AP3D1: variants seen among roughly 807,000 people sequenced by gnomAD.
The protein encoded by AP3D1 is AP-3 complex subunit delta-1.
Under a neutral mutation model 147.6 loss-of-function variants are expected in AP3D1, and 51 were observed. The observed-to-expected ratio is 0.35, with a 90% CI of 0.28 to 0.44. AP3D1 has a LOEUF of 0.44. AP3D1 is among the 20% of genes least tolerant of loss of function. The pLI is 1.00. For missense variants in AP3D1, 1,421 were observed against 1,624.2 expected, an observed-to-expected ratio of 0.87 and a Z score of 2.15; for synonymous variants, 760 against 663.0, an observed-to-expected ratio of 1.15 and a Z score of -2.25.
rs560307748 is a variant in AP3D1 at position 2,123,696 on chromosome 19, C to T, written c.906+134G>A. ...GGTAGGTAGTGCACACAGGACGCGG[C>T]TGTGCCCTCCCAAGCCGCAAGATGG... is the stretch of plus-strand genomic sequence containing the variant. On this transcript the variant is annotated intron_variant, in intron 10 of 31. Coordinates refer to ENST00000643116, the MANE Select transcript of AP3D1 (RefSeq NM_001261826.3). 3.6e-5 allele frequency: 40 copies of T among 1,107,414 alleles called. No homozygotes were observed. In the East Asian group the frequency reaches 1.0e-3, roughly 28 times the overall value. The allele number at this position is 1,107,414 out of a possible 1,614,324, so 68.6% of individuals were successfully genotyped here. A position where few individuals can be genotyped will look rare whatever the true frequency, so the allele number is the denominator to read the frequency against.
At chr19:2,127,915 G>GC (rs1306525020) in intron 8 of AP3D1, among the ~76,000 whole-genome samples, 2 of 152,346 alleles carry the variant, frequency 1.3e-5, no homozygotes, top group Non-Finnish European at 2.9e-5. Context: ...GCAGCGTAGG[G>GC]CCGCAGCCAG....
At chr19:2,134,212 G>C (rs2019020144) in intron 4 of AP3D1, among the ~76,000 whole-genome samples, 1 of 152,014 alleles carries the variant, frequency 6.6e-6, no homozygotes, top group Non-Finnish European at 1.5e-5. Context: ...CCAGGGGTTT[G>C]AGACCAGCCT....
chr19:2,138,994 A>T (rs1296464930), intron 1 of AP3D1, among the ~76,000 whole-genome samples: 1 of 137,910 alleles, frequency 7.3e-6, no homozygotes, highest in Non-Finnish European at 1.5e-5. Flanking sequence ...TGGGAGGCAG[A>T]GGTTGCACTG....
intron 1 of AP3D1, among the ~76,000 whole-genome samples, chr19:2,140,755 CTTTT>C (rs71176516): frequency 0.07 from 7,445 of 106,842 alleles, 221 homozygotes; most frequent in East Asian, 0.16. Context: ...ACACAAACGT[CTTTT>C]TTTTTTTTTT....
In AP3D1 at chr19:2,138,622, C is replaced by A; in HGVS notation, c.189G>T (p.Thr63=). The A allele has an allele frequency of 1.2e-6, 2 of 1,613,696 alleles. No individual in the cohort carries two copies. The highest frequency in any genetic ancestry group is 1.7e-6 in the Non-Finnish European group (2 of 1,179,832). The stretch of plus-strand genomic sequence containing the variant: ...CTGGCCACTGGGAGGCACTTACATA[C>A]GTCAGCTTGCAGACCGCGTTCGCCT... ...AVKANAVCKL[T]YLQMLGYDIS... is the part of the protein sequence containing the mutation. Residue 63 remains threonine (T), a synonymous_variant, in exon 2 of 32, where the codon ACG becomes ACT. Coordinates refer to ENST00000643116, the MANE Select transcript of AP3D1 (RefSeq NM_001261826.3).
intron 1 of AP3D1, among the ~76,000 whole-genome samples, chr19:2,158,092 G>T (rs545120033): frequency 4.6e-5 from 7 of 152,094 alleles, no homozygotes; most frequent in African/African-American, 1.7e-4. Flanking sequence ...GTCTTGCTCT[G>T]TCGCCCAGGC....
chr19:2,123,979 G>A (rs1289739107), intron 9 of AP3D1, 100 bp from the exon 10 acceptor site: 5 of 1,305,724 alleles, frequency 3.8e-6, no homozygotes, highest in Admixed American at 2.0e-5. Flanking sequence ...CCGGGAGGAG[G>A]GATGGGAGGG....
chr19:2,103,679 C>T (rs1348663233), intron 31 of AP3D1, among the ~76,000 whole-genome samples: 2 of 152,168 alleles, frequency 1.3e-5, no homozygotes, highest in Non-Finnish European at 2.9e-5. Flanking sequence ...CTTGGGGCCA[C>T]AGTCCCCAGA....
chr19:2,104,674 T>TG (rs34465865), intron 31 of AP3D1, among the ~76,000 whole-genome samples: 18,780 of 148,392 alleles, frequency 0.13, 1,358 homozygotes, highest in Non-Finnish European at 0.16. Flanking sequence ...AAGTTTTTTT[T>TG]TTTTTTTTTT....
At chr19:2,127,628 G>T (rs12608586) in intron 8 of AP3D1, among the ~76,000 whole-genome samples, 11,899 of 152,224 alleles carry the variant, frequency 0.078, 911 homozygotes, top group African/African-American at 0.19. Context: ...AGGTTCAAGC[G>T]GTTCTCCTGC....
chr19:2,116,869 C>T, intron 16 of AP3D1, 123 bp from the exon 17 acceptor site: 1 of 1,293,148 alleles, frequency 7.7e-7, no homozygotes, highest in Non-Finnish European at 1.0e-6. Flanking sequence ...GGGCCTGCCA[C>T]CCACACAGGG....
rs1209953672 is a variant in AP3D1 at position 2,121,183 on chromosome 19, C to T, written c.1230G>A (p.Gln410=). 3 of 1,614,088 alleles carry T rather than the reference C, an allele frequency of 1.9e-6. No individual in the cohort carries two copies. Among genetic ancestry groups the T allele is most frequent in the East Asian group, 4.5e-5 (2 of 44,902 alleles). ...CGCACCACTCGAAGTTGGTGATGTACTGGTAGTTGGACTGGCTGCAGATGT... is the reference window on the plus strand; with the variant it reads ...CGCACCACTCGAAGTTGGTGATGTATTGGTAGTTGGACTGGCTGCAGATGT... ...IIDICSQSNY[Q]YITNFEWYIS... is the part of the protein sequence containing the mutation. Residue 410 remains glutamine, a synonymous_variant, in exon 13 of 32, where the codon CAG becomes CAA. Transcript: ENST00000643116.
intron 4 of AP3D1, among the ~76,000 whole-genome samples, chr19:2,134,753 C>T (rs1006217831): frequency 5.3e-5 from 8 of 151,708 alleles, no homozygotes; most frequent in African/African-American, 1.5e-4. Flanking sequence ...AGGCACGCAC[C>T]ACCACGCCCG....
intron 22 of AP3D1, 94 bp from the exon 23 acceptor site, chr19:2,113,507 T>C: frequency 4.2e-6 from 3 of 716,030 alleles, no homozygotes; most frequent in Non-Finnish European, 6.5e-6. Flanking sequence ...CCAGCTGCCC[T>C]CGCTGCCCCC....
In AP3D1 at chr19:2,109,931, G is replaced by C. The variant is rs1258365913; in HGVS notation, c.3292C>G (p.Leu1098Val). The C allele has an allele frequency of 1.2e-6, 2 of 1,613,762 alleles. No individual in the cohort carries two copies. The highest frequency in any genetic ancestry group is 2.2e-5 in the East Asian group (1 of 44,872). ...KNDEGATHEK[L>V]DFRLHFSCSS... is the part of the protein sequence containing the mutation. ...CAGCTGAAGTGCAGCCTGAAGTCCAGCTTCTCGTGGGTCGCACCCTCGTCA... is the reference window on the plus strand; with the variant it reads ...CAGCTGAAGTGCAGCCTGAAGTCCACCTTCTCGTGGGTCGCACCCTCGTCA... The change falls in exon 29 of 32, where the codon CTG becomes GTG. Residue 1098 changes from leucine to valine, a missense_variant. This residue lies in a region of AP3D1 where 791 missense variants were observed against 761.4 expected (regional missense o/e 1.04). Transcript: ENST00000643116.
At chr19:2,164,386 C>G (rs1389424982) in exon 1 of AP3D1, 3 of 599,214 alleles carry the variant, frequency 5.0e-6, no homozygotes, top group African/African-American at 2.0e-5. Context: ...AGACCCTGGA[C>G]TCCACTGTCG....
intron 8 of AP3D1, among the ~76,000 whole-genome samples, 180 bp from the exon 9 acceptor site, chr19:2,127,381 C>A (rs1366031453): frequency 1.3e-5 from 2 of 152,332 alleles, no homozygotes; most frequent in African/African-American, 4.8e-5. Flanking sequence ...ATCGTCTCAT[C>A]TTCCCAGAAA....
At chr19:2,136,636 T>C (rs1479283554) in intron 4 of AP3D1, among the ~76,000 whole-genome samples, 1 of 152,056 alleles carries the variant, frequency 6.6e-6, no homozygotes, top group Non-Finnish European at 1.5e-5. Context: ...GCACCCCACA[T>C]GGGCAGGGAA....
At position 2,117,480 on chromosome 19, in the gene AP3D1, C is replaced by T. The variant is rs1165515843; in HGVS notation, c.1714-113G>A. Reference sequence around the variant, plus strand: ...ACAGTGACGTGTGGGCCCCCTGGTACAGCCACATAGCCACAGAGAGCCCAG... The same window carrying T: ...ACAGTGACGTGTGGGCCCCCTGGTATAGCCACATAGCCACAGAGAGCCCAG... On this transcript the variant is annotated intron_variant, in intron 15 of 31. Transcript: ENST00000643116. 3 of 1,183,214 alleles carry T rather than the reference C, an allele frequency of 2.5e-6. No individual in the cohort carries two copies. The East Asian group carries it at 8.4e-5, about 33-fold the overall frequency. 73.3% of individuals were successfully genotyped at this position (1,183,214 alleles called of 1,614,324 possible). A position where few individuals can be genotyped will look rare whatever the true frequency, so the allele number is the denominator to read the frequency against.
Sources: allele counts gnomAD v4.1 joint callset (sites outside exome capture counted in the v4.1 genomes callset), GRCh38; gene constraint gnomAD v4.1.1; regional missense constraint gnomAD v4.1.1; transcripts MANE v1.5; gene names NCBI Gene and HGNC (gene_info 2026-07-23, HGNC 2026-07-21).